The following MYO9B variants were observed in gnomAD, a reference collection of about 807,000 sequenced individuals.
The protein encoded by MYO9B is myosin IXB.
Under a neutral mutation model 229.5 loss-of-function variants are expected in MYO9B, and 71 were observed. The observed-to-expected ratio is 0.31, with a 90% CI of 0.26 to 0.38. The LOEUF (loss-of-function observed/expected upper bound fraction) is 0.38. MYO9B is among the 10% of genes least tolerant of loss of function. MYO9B has a pLI of 1.00. For synonymous variants in MYO9B, 1,185 were observed against 1,235.8 expected, an observed-to-expected ratio of 0.96 and a Z score of 0.86; for missense variants, 2,255 against 2,920.5, an observed-to-expected ratio of 0.77 and a Z score of 5.25.
chr19:17,084,439 C>G (rs548027211), intron 1 of MYO9B, among the ~76,000 whole-genome samples: 1 of 152,136 alleles, frequency 6.6e-6, no homozygotes, highest in Non-Finnish European at 1.5e-5. Context: ...GTCTCTCACC[C>G]TCAGCACTGC....
intron 36 of MYO9B, 112 bp from the exon 37 acceptor site, chr19:17,210,220 TC>T: frequency 9.2e-7 from 1 of 1,092,288 alleles, no homozygotes. Flanking sequence ...GGCTCTGGGC[TC>T]CTGTGGGAAC....
Position 17,188,000 on chromosome 19 carries a change from C to T in MYO9B, c.2643C>T (p.Thr881=), listed in dbSNP as rs375006911. 7.5e-6 allele frequency: 12 copies of T among 1,601,392 alleles called. No homozygotes were observed. Among genetic ancestry groups the T allele is most frequent in the African/African-American group, 5.4e-5 (4 of 74,674 alleles). ...QQLRYTGMLE[T]VRIRRSGYSA... ...TGCGCTACACCGGCATGCTGGAGACCGTGCGCATCCGGAGGTCAGGGTACA... is the reference window on the plus strand; with the variant it reads ...TGCGCTACACCGGCATGCTGGAGACTGTGCGCATCCGGAGGTCAGGGTACA... The change falls in exon 19 of 40, where the codon ACC becomes ACT. Residue 881 remains threonine (T), a synonymous_variant. Transcript: ENST00000682292.
intron 28 of MYO9B, among the ~76,000 whole-genome samples, chr19:17,202,509 T>C (rs1363041571): frequency 1.3e-5 from 2 of 150,610 alleles, no homozygotes; most frequent in African/African-American, 4.9e-5. Context: ...CACACCCACC[T>C]GACATGCCAC....
Position 17,160,157 on chromosome 19 carries a change from G to C in MYO9B, c.1419+673G>C, listed in dbSNP as rs553101373. 2.6e-5 allele frequency among the ~76,000 whole-genome samples: 4 copies of C among 152,272 alleles called. No homozygotes were observed. The South Asian group carries it at 8.3e-4, about 32-fold the overall frequency. ...TAACAATAGGAAAGTACCTAATCAC[G>C]GCAGGGATTTTTAGCCCCTCACCCG... On this transcript the variant is annotated intron_variant, in intron 8 of 39. Coordinates refer to ENST00000682292, the MANE Select transcript of MYO9B (RefSeq NM_004145.4).
chr19:17,142,004 C>T (rs1043217682), intron 2 of MYO9B, among the ~76,000 whole-genome samples: 5 of 152,012 alleles, frequency 3.3e-5, no homozygotes, highest in Admixed American at 2.0e-4. Flanking sequence ...TAGAGAGATG[C>T]GGTCTCTACA....
At chr19:17,104,468 G>T (rs1323450736) in intron 2 of MYO9B, among the ~76,000 whole-genome samples, 2 of 152,214 alleles carry the variant, frequency 1.3e-5, no homozygotes, top group Non-Finnish European at 2.9e-5. Flanking sequence ...TGCAGGGATT[G>T]TAGGACAAGG....
In MYO9B at chr19:17,155,429, C is replaced by T. The variant is rs534187149; in HGVS notation, c.1199+1014C>T. Among the ~76,000 whole-genome samples, 16 of 152,224 alleles carry T rather than the reference C, an allele frequency of 1.1e-4. No homozygotes were observed. The South Asian group carries it at 2.7e-3, about 26-fold the overall frequency. The stretch of plus-strand genomic sequence containing the variant: ...TTCTTGGGCTCAAGCCATCCACCTG[C>T]GTAAGCCTCCCAGCATGCTGGAATT... On this transcript the variant is annotated intron_variant, in intron 6 of 39. Coordinates refer to ENST00000682292, the MANE Select transcript of MYO9B (RefSeq NM_004145.4).
chr19:17,083,589 T>A lies in MYO9B; in HGVS notation c.-59+7715T>A. On this transcript the variant is annotated intron_variant, in intron 1 of 39. Coordinates refer to ENST00000682292, the MANE Select transcript of MYO9B (RefSeq NM_004145.4). ...ACTAGTTCCGGGTTCTGTTGACTCC[T>A]AAGTGACTTTGCGTCTGTCATCATC... 1.3e-5 allele frequency among the ~76,000 whole-genome samples: 2 copies of A among 151,552 alleles called. 1 individual carries two copies. Among genetic ancestry groups the A allele is most frequent in the East Asian group, 3.9e-4 (2 of 5,140 alleles).
intron 1 of MYO9B, among the ~76,000 whole-genome samples, chr19:17,093,821 T>C (rs889847238): frequency 1.3e-5 from 2 of 151,956 alleles, no homozygotes; most frequent in Non-Finnish European, 2.9e-5. Context: ...GCCTCCCAAG[T>C]AGCTGGGACT....
intron 14 of MYO9B, among the ~76,000 whole-genome samples, chr19:17,179,075 G>A (rs1371085555): frequency 6.6e-6 from 1 of 150,660 alleles, no homozygotes; most frequent in Non-Finnish European, 1.5e-5. Flanking sequence ...TCAGCACTGT[G>A]CCAGATCATT....
At chr19:17,117,160 C>G (rs1029921115) in intron 2 of MYO9B, among the ~76,000 whole-genome samples, 1 of 152,272 alleles carries the variant, frequency 6.6e-6, no homozygotes, top group Admixed American at 6.5e-5. Flanking sequence ...AGACAGGGGA[C>G]CCATCTGTCT....
rs780711834 is a variant in MYO9B at position 17,101,864 on chromosome 19, G to A, written c.147G>A (p.Lys49=). ...ACAGCACCACCTCGGACGTCATCAA[G>A]GACGCCATTGCCAGCCTGCGGCTGG... ...TKDSTTSDVI[K]DAIASLRLDG... The change falls in exon 2 of 40, where the codon AAG becomes AAA. Residue 49 remains lysine, a synonymous_variant. Transcript: ENST00000682292. The surrounding 1 kb of genome is among the most constrained non-coding windows in gnomAD (Gnocchi z 4.7). 7 of 1,612,986 alleles carry A rather than the reference G, an allele frequency of 4.3e-6. No individual in the cohort carries two copies. Among genetic ancestry groups the A allele is most frequent in the Non-Finnish European group, 5.1e-6 (6 of 1,179,784 alleles).
intron 38 of MYO9B, 42 bp downstream of exon 38, chr19:17,210,890 G>A: frequency 6.4e-7 from 1 of 1,565,276 alleles, no homozygotes; most frequent in Non-Finnish European, 8.7e-7. Context: ...CATGTTTAGG[G>A]CAAGCTGGAG....
intron 2 of MYO9B, among the ~76,000 whole-genome samples, chr19:17,110,418 C>T (rs1599332990): frequency 6.6e-6 from 1 of 152,170 alleles, no homozygotes; most frequent in Non-Finnish European, 1.5e-5. Context: ...GATAGAGCAC[C>T]TTACAGCATC....
At chr19:17,175,620 T>A in intron 13 of MYO9B, 43 bp from the exon 14 acceptor site, 1 of 1,429,550 alleles carries the variant, frequency 7.0e-7, no homozygotes, top group Non-Finnish European at 9.5e-7. Flanking sequence ...GCAGCCTCCA[T>A]AGGAGGCCAT....
At chr19:17,190,124 A>G (rs1345571217) in intron 19 of MYO9B, among the ~76,000 whole-genome samples, 1 of 150,962 alleles carries the variant, frequency 6.6e-6, no homozygotes, top group African/African-American at 2.4e-5. Flanking sequence ...CACACCTGCA[A>G]TCCTAGCACT....
intron 2 of MYO9B, among the ~76,000 whole-genome samples, chr19:17,106,470 T>C (rs1161877120): frequency 6.6e-6 from 1 of 152,196 alleles, no homozygotes; most frequent in Non-Finnish European, 1.5e-5. Flanking sequence ...AACCCAGCTC[T>C]GGTCTCCCGA....
chr19:17,107,092 C>G (rs191542064), intron 2 of MYO9B, among the ~76,000 whole-genome samples: 2 of 151,962 alleles, frequency 1.3e-5, no homozygotes, highest in African/African-American at 4.8e-5. Flanking sequence ...AAAAATTAGC[C>G]AGGCATGGCA....
At chr19:17,077,525 A>T (rs957782592) in intron 1 of MYO9B, among the ~76,000 whole-genome samples, 5 of 152,144 alleles carry the variant, frequency 3.3e-5, no homozygotes, top group African/African-American at 1.2e-4. Flanking sequence ...CAGCCCTGCA[A>T]TCGCCTCTTC....
Sources: gnomAD v4.1 joint callset for allele counts (sites outside exome capture counted in the v4.1 genomes callset) on GRCh38, gnomAD v4.1.1 for gene constraint, Gnocchi (gnomAD v3.1) non-coding constraint, MANE v1.5 for transcripts, NCBI Gene and HGNC (gene_info 2026-07-23, HGNC 2026-07-21) for gene names.